MAPK14: variants seen among roughly 807,000 people sequenced by gnomAD.
The protein encoded by MAPK14 is mitogen-activated protein kinase 14.
In MAPK14, 16 loss-of-function variants were observed where a neutral mutation model predicts 49.6. That is an observed-to-expected ratio of 0.32 (90% confidence interval 0.22 to 0.49). The LOEUF (loss-of-function observed/expected upper bound fraction) is 0.49. Among genes scored for constraint, MAPK14 ranks in the 20% least tolerant of loss-of-function variants. The pLI, the probability that MAPK14 is intolerant of heterozygous loss-of-function variation, is 0.99. For synonymous variants in MAPK14, 142 were observed against 158.0 expected, an observed-to-expected ratio of 0.90 and a Z score of 0.76; for missense variants, 200 against 441.2, an observed-to-expected ratio of 0.45 and a Z score of 4.90.
chr6:36,043,626 G>A (rs1763050223), intron 1 of MAPK14, among the ~76,000 whole-genome samples: 1 of 152,086 alleles, frequency 6.6e-6, no homozygotes, highest in African/African-American at 2.4e-5. Context: ...TAAAGAGAAA[G>A]TTCCAAGTTA....
At chr6:36,086,522 A>G (rs1251851824) in intron 8 of MAPK14, among the ~76,000 whole-genome samples, 1 of 152,200 alleles carries the variant, frequency 6.6e-6, no homozygotes, top group Non-Finnish European at 1.5e-5. Flanking sequence ...TACTATAAAC[A>G]CCTCTATGCA....
At chr6:36,033,340 G>T (rs1433160924) in intron 1 of MAPK14, among the ~76,000 whole-genome samples, 2 of 147,390 alleles carry the variant, frequency 1.4e-5, no homozygotes, top group Non-Finnish European at 3.0e-5. Flanking sequence ...TTTTTGAGAC[G>T]GAGTCTTGCT....
chr6:36,078,278 A>G (rs550850676), intron 8 of MAPK14, among the ~76,000 whole-genome samples: 120 of 152,376 alleles, frequency 7.9e-4, no homozygotes, highest in Non-Finnish European at 1.2e-3. Context: ...ATAACTGGAA[A>G]GTACTGAGAC....
chr6:36,110,335 C>CT lies in MAPK14; in HGVS notation c.*1889dup, dbSNP rs1356376857. 7 of 152,664 alleles carry CT rather than the reference C, an allele frequency of 4.6e-5. No homozygotes were observed. The highest frequency in any genetic ancestry group is 4.6e-4 in the Admixed American group (7 of 15,290). 9.5% of individuals were successfully genotyped at this position (152,664 alleles called of 1,614,324 possible). On this transcript the variant is annotated 3_prime_UTR_variant, in exon 12 of 12. Transcript: ENST00000229794. ...TGGCGATTCCCTCTCACCCGGGACT[C>CT]TCCCCCTTTCAAGGAAAGTGAACCT...
At chr6:36,071,205 T>TAA (rs1454289310) in intron 3 of MAPK14, among the ~76,000 whole-genome samples, 18 of 151,784 alleles carry the variant, frequency 1.2e-4, no homozygotes, top group African/African-American at 4.1e-4. Context: ...TGGTGGCGAG[T>TAA]ACCTGTAATC....
chr6:36,037,709 CA>C (rs1251191513), intron 1 of MAPK14, among the ~76,000 whole-genome samples: 1 of 152,100 alleles, frequency 6.6e-6, no homozygotes, highest in Non-Finnish European at 1.5e-5. Flanking sequence ...TGGCCAGGTG[CA>C]GTGAGTGGCT....
chr6:36,041,366 CTCTTTCTGTGCATATTCTTTTT>C (rs543621452), intron 1 of MAPK14, among the ~76,000 whole-genome samples: 42 of 151,748 alleles, frequency 2.8e-4, no homozygotes, highest in Admixed American at 7.2e-4. Context: ...ATTTTCTTTT[CTCTTTCTGTGCATATTCTTTTT>C]GAATTCATTA....
intron 1 of MAPK14, among the ~76,000 whole-genome samples, chr6:36,039,346 C>A (rs1251291582): frequency 6.6e-6 from 1 of 152,098 alleles, no homozygotes; most frequent in Admixed American, 6.6e-5. Context: ...GTCTGAGTAC[C>A]ATTAGACCCT....
At position 36,035,008 on chromosome 6, in the gene MAPK14, C is replaced by G. The variant is rs1020711005; in HGVS notation, c.116+6735C>G. On this transcript the variant is annotated intron_variant, in intron 1 of 11. Transcript: ENST00000229794. ...CCGCCTTCCGGTTTCAAGTGATTCT[C>G]CTGCCTCAGCCTCCCAAGTAGCTGG... 2.6e-5 allele frequency among the ~76,000 whole-genome samples: 4 copies of G among 151,014 alleles called. No homozygotes were observed. In the East Asian group the frequency reaches 7.8e-4, roughly 29 times the overall value.
chr6:36,101,903 T>G (rs1765652233), intron 9 of MAPK14, among the ~76,000 whole-genome samples: 1 of 152,316 alleles, frequency 6.6e-6, no homozygotes, highest in Non-Finnish European at 1.5e-5. Context: ...ACAGGAGTTT[T>G]AAAGAGGTGG....
intron 1 of MAPK14, among the ~76,000 whole-genome samples, chr6:36,036,479 C>G (rs945275997): frequency 1.3e-5 from 2 of 152,110 alleles, no homozygotes; most frequent in African/African-American, 4.8e-5. Context: ...GGGTAAAATG[C>G]TATCAAACAC....
At chr6:36,070,057 TA>T (rs1479494394) in intron 3 of MAPK14, among the ~76,000 whole-genome samples, 2 of 152,278 alleles carry the variant, frequency 1.3e-5, no homozygotes, top group East Asian at 3.9e-4. Context: ...AATTTAGGGT[TA>T]AAAAATACAG....
chr6:36,100,797 A>G (rs1456086902), intron 9 of MAPK14, among the ~76,000 whole-genome samples: 1 of 152,012 alleles, frequency 6.6e-6, no homozygotes, highest in East Asian at 1.9e-4. Flanking sequence ...ACTTAGTCTA[A>G]CTCTTGTTTT....
intron 1 of MAPK14, among the ~76,000 whole-genome samples, chr6:36,032,982 CT>C (rs1762598824): frequency 1.2e-5 from 1 of 81,160 alleles, no homozygotes; most frequent in Non-Finnish European, 2.5e-5. Context: ...CATTTTAAAT[CT>C]ATTTTTTTTT....
At chr6:36,075,670 C>CT (rs1258139053) in intron 6 of MAPK14, among the ~76,000 whole-genome samples, 178 bp from the exon 7 acceptor site, 4 of 152,084 alleles carry the variant, frequency 2.6e-5, no homozygotes, top group Non-Finnish European at 5.9e-5. Flanking sequence ...ATTTTAAGTT[C>CT]TTGCTGTATA....
chr6:36,052,106 T>C (rs997777018), intron 1 of MAPK14, among the ~76,000 whole-genome samples: 1 of 152,184 alleles, frequency 6.6e-6, no homozygotes, highest in African/African-American at 2.4e-5. Flanking sequence ...TCTGTTCTGC[T>C]CTTCCCCCAT....
rs995038206 is a variant in MAPK14, at chr6:36,048,769, C to T, written c.117-3930C>T. ...AGTTCTGGGTGTTTTGAACTTGGTA[C>T]GCTTCAGGTGCTTATGTGTCTTTCT... On this transcript the variant is annotated intron_variant, in intron 1 of 11. Transcript: ENST00000229794. Among the ~76,000 whole-genome samples, 6 of 152,182 alleles carry T rather than the reference C, an allele frequency of 3.9e-5. No homozygotes were observed. In the East Asian group the frequency reaches 1.2e-3, roughly 29 times the overall value.
chr6:36,048,185 G>A (rs539565785), intron 1 of MAPK14, among the ~76,000 whole-genome samples: 1 of 151,976 alleles, frequency 6.6e-6, no homozygotes, highest in African/African-American at 2.4e-5. Flanking sequence ...GGGGTTACAA[G>A]TGTGTGCCAC....
At chr6:36,100,329 C>A in intron 9 of MAPK14, 1 of 1,212,638 alleles carries the variant, frequency 8.2e-7, no homozygotes, top group Non-Finnish European at 1.2e-6. Context: ...ATTTTATTGC[C>A]ACCGTATAAC....
Sources: gnomAD v4.1 joint callset for allele counts (sites outside exome capture counted in the v4.1 genomes callset) on GRCh38, gnomAD v4.1.1 for gene constraint, MANE v1.5 for transcripts, NCBI Gene and HGNC (gene_info 2026-07-23, HGNC 2026-07-21) for gene names.